Variants in WDR1 observed in about 807,000 individuals in gnomAD.
WDR1 encodes the protein WD repeat domain 1, also known as WD repeat-containing protein 1.
WDR1 carries 21 observed loss-of-function variants against 71.9 expected under a neutral mutation model. The ratio of observed to expected loss-of-function variants is 0.29; its 90% CI spans 0.21 to 0.42. WDR1 has a LOEUF of 0.42. Ranked by LOEUF, WDR1 falls within the 10% of genes least tolerant of loss-of-function variation. The pLI is 1.00. For missense variants in WDR1, 696 were observed against 824.5 expected, an observed-to-expected ratio of 0.84 and a Z score of 1.91; for synonymous variants, 424 against 347.4, an observed-to-expected ratio of 1.22 and a Z score of -2.45.
At chr4:10,089,561 A>AGAGACTGATCCTTAAATAAGCAGTT (rs1711830612) in intron 5 of WDR1, among the ~76,000 whole-genome samples, 1 of 152,232 alleles carries the variant, frequency 6.6e-6, no homozygotes, top group African/African-American at 2.4e-5. Flanking sequence ...AGTTTGTATC[A>AGAGACTGATCCTTAAATAAGCAGTT]GAGACTGATC....
chr4:10,089,211 C>T (rs749135260), intron 5 of WDR1, among the ~76,000 whole-genome samples: 7 of 152,226 alleles, frequency 4.6e-5, no homozygotes, highest in Non-Finnish European at 8.8e-5. Context: ...CGGGTTCACG[C>T]CATTCTCCTG....
At chr4:10,097,539 T>C (rs1255726527) in intron 5 of WDR1, among the ~76,000 whole-genome samples, 172 bp downstream of exon 5, 1 of 152,026 alleles carries the variant, frequency 6.6e-6, no homozygotes, top group Admixed American at 6.5e-5. Context: ...GGAGGACGAG[T>C]GCTGGGTGGG....
chr4:10,109,162 C>T lies in WDR1; in HGVS notation c.139-5176G>A, dbSNP rs1231342864. 2.0e-5 allele frequency among the ~76,000 whole-genome samples: 3 copies of T among 152,248 alleles called. 1 individual carries two copies. In the South Asian group the frequency reaches 6.2e-4, roughly 31 times the overall value. On this transcript the variant is annotated intron_variant, in intron 2 of 14. Coordinates refer to ENST00000499869, the MANE Select transcript of WDR1 (RefSeq NM_017491.5). The stretch of plus-strand genomic sequence containing the variant: ...TGTAAGGAAGGTAACCTCATAATCC[C>T]ACATGACAAAGAAACCAAGGCAGAC...
intron 7 of WDR1, 122 bp downstream of exon 7, chr4:10,088,171 C>G (rs996055243): frequency 1.9e-6 from 2 of 1,047,432 alleles, no homozygotes; most frequent in African/African-American, 3.2e-5. Flanking sequence ...AGATATAAAA[C>G]CGCCCCGACT....
chr4:10,113,089 C>T (rs185537829), intron 2 of WDR1, among the ~76,000 whole-genome samples: 1 of 152,370 alleles, frequency 6.6e-6, no homozygotes, highest in African/African-American at 2.4e-5. Context: ...AGTGTGGTGG[C>T]TCACGCCTGT....
At chr4:10,116,270 C>G in intron 1 of WDR1, 36 bp from the exon 2 acceptor site, 1 of 1,612,244 alleles carries the variant, frequency 6.2e-7, no homozygotes, top group Non-Finnish European at 8.5e-7. Context: ...CATGTCAGGG[C>G]AGGGCGGGGA....
chr4:10,090,508 A>ATC, intron 5 of WDR1, among the ~76,000 whole-genome samples: 1 of 152,202 alleles, frequency 6.6e-6, no homozygotes, highest in Non-Finnish European at 1.5e-5. Flanking sequence ...CTCTAGGCCC[A>ATC]AGAGTGATGC....
In WDR1 at chr4:10,087,946, CA is replaced by C; in HGVS notation, c.718-7del. On this transcript the variant is annotated splice_polypyrimidine_tract_variant and splice_region_variant and intron_variant, in intron 7 of 14. Transcript: ENST00000499869. ...CTGTCGGGACTCCAACTAATCTATT[CA>C]GAAAAAAGCAGTGTGTCATGTGCCA... 1 of 1,546,106 alleles carries C rather than the reference CA, an allele frequency of 6.5e-7. No individual in the cohort carries two copies.
chr4:10,099,709 C>T (rs970005223), intron 3 of WDR1, among the ~76,000 whole-genome samples: 3 of 152,380 alleles, frequency 2.0e-5, no homozygotes, highest in Non-Finnish European at 4.4e-5. Flanking sequence ...GCCTGCAGAC[C>T]GGGCTTCCTG....
chr4:10,089,258 G>A (rs1184878782), intron 5 of WDR1, among the ~76,000 whole-genome samples: 5 of 152,134 alleles, frequency 3.3e-5, no homozygotes, highest in East Asian at 3.8e-4. Context: ...ACAGGTGCCC[G>A]CCACCACGCC....
intron 14 of WDR1, 50 bp downstream of exon 14, chr4:10,077,254 G>A (rs1171038550): frequency 1.9e-6 from 3 of 1,609,038 alleles, no homozygotes; most frequent in African/African-American, 2.7e-5. Flanking sequence ...GTGGCCCATG[G>A]AGCCCCGAAC....
chr4:10,077,913 C>T lies in WDR1; in HGVS notation c.1409G>A (p.Arg470His), dbSNP rs768899890. ...VAIGGVDGNV[R>H]LYSILGTTLK... is the part of the protein sequence containing the mutation. ...CGTGGTGCCCAGGATGGAATACAGGCGGACGTTGCCGTCCTACGGCAGGGA... is the reference window on the plus strand; with the variant it reads ...CGTGGTGCCCAGGATGGAATACAGGTGGACGTTGCCGTCCTACGGCAGGGA... Residue 470 changes from arginine (R) to histidine (H), a missense_variant, in exon 13 of 15, where the codon CGC (arginine) becomes CAC (histidine). Coordinates refer to ENST00000499869, the MANE Select transcript of WDR1 (RefSeq NM_017491.5). The T allele has an allele frequency of 3.1e-5, 50 of 1,606,072 alleles. No homozygotes were observed. Among genetic ancestry groups the T allele is most frequent in the South Asian group, 8.9e-5 (8 of 90,056 alleles).
At chr4:10,111,989 T>G (rs1203952058) in intron 2 of WDR1, among the ~76,000 whole-genome samples, 1 of 152,162 alleles carries the variant, frequency 6.6e-6, no homozygotes, top group Admixed American at 6.5e-5. Context: ...GGCCCCAAAC[T>G]TGCCTGCATA....
intron 9 of WDR1, among the ~76,000 whole-genome samples, chr4:10,083,823 T>C (rs1765106405): frequency 6.6e-6 from 1 of 151,936 alleles, no homozygotes. Context: ...GAAGCCCCCA[T>C]CATCAGGGAG....
At chr4:10,075,505 T>G (rs1764767254) in intron 14 of WDR1, 21 bp from the exon 15 acceptor site, 4 of 1,611,902 alleles carry the variant, frequency 2.5e-6, no homozygotes, top group Non-Finnish European at 3.4e-6. Flanking sequence ...AGGGTGCAAT[T>G]TAACGAAAAG....
chr4:10,110,287 C>T (rs920667318), intron 2 of WDR1, among the ~76,000 whole-genome samples: 10 of 152,242 alleles, frequency 6.6e-5, no homozygotes, highest in African/African-American at 2.2e-4. Flanking sequence ...GTGTCCACAG[C>T]TGTCCCTAAC....
intron 10 of WDR1, 23 bp from the exon 11 acceptor site, chr4:10,081,467 A>G (rs1765011548): frequency 1.9e-6 from 3 of 1,610,088 alleles, no homozygotes; most frequent in African/African-American, 1.3e-5. Flanking sequence ...AAGGAAGCAC[A>G]TTACTTCGAC....
chr4:10,099,791 C>T (rs757828469), intron 3 of WDR1, among the ~76,000 whole-genome samples: 13 of 152,242 alleles, frequency 8.5e-5, no homozygotes, highest in African/African-American at 7.2e-5. Flanking sequence ...AGTTCCACGA[C>T]GCACAGGAAT....
In WDR1 at chr4:10,087,904, C is replaced by G; in HGVS notation, c.754G>C (p.Ala252Pro). ...ATCTTGGAAGTTTTGTCCCCAGAAG[C>G]AGAAAGCAAATGGGTGCTGTCGGGA... ...WSPDSTHLLS[A>P]SGDKTSKIWD... The change falls in exon 8 of 15, where the codon GCT (alanine) becomes CCT (proline). Residue 252 changes from alanine (A) to proline (P), a missense_variant. Transcript: ENST00000499869. 1 of 1,560,256 alleles carries G rather than the reference C, an allele frequency of 6.4e-7. No individual in the cohort carries two copies. Among genetic ancestry groups the G allele is most frequent in the East Asian group, 2.4e-5 (1 of 41,928 alleles).
Sources: allele counts gnomAD v4.1 joint callset (sites outside exome capture counted in the v4.1 genomes callset), GRCh38; gene constraint gnomAD v4.1.1; transcripts MANE v1.5; gene names NCBI Gene and HGNC (gene_info 2026-07-23, HGNC 2026-07-21).